The following KALRN variants were observed in gnomAD, a reference collection of about 807,000 sequenced individuals.
KALRN encodes kalirin.
A neutral mutation model predicts 353.7 loss-of-function variants in KALRN; 70 were observed. The observed-to-expected ratio is 0.20, with a 90% CI of 0.16 to 0.24. KALRN has a LOEUF of 0.24. KALRN is among the 10% of genes least tolerant of loss of function. The probability of loss-of-function intolerance (pLI) is 1.00; values close to 1 mark genes in which losing one functional copy is unlikely to be tolerated. For missense variants in KALRN, 2,791 were observed against 3,756.7 expected, an observed-to-expected ratio of 0.74 and a Z score of 6.72; for synonymous variants, 1,391 against 1,434.8, an observed-to-expected ratio of 0.97 and a Z score of 0.69.
intron 33 of KALRN, among the ~76,000 whole-genome samples, chr3:124,554,137 C>G (rs998884843): frequency 8.5e-5 from 13 of 152,220 alleles, no homozygotes; most frequent in Non-Finnish European, 1.8e-4. Flanking sequence ...GGGAGGATCA[C>G]TTCAGCCCAG....
At chr3:124,110,946 A>G (rs886836158) in intron 1 of KALRN, among the ~76,000 whole-genome samples, 2 of 152,182 alleles carry the variant, frequency 1.3e-5, no homozygotes, top group African/African-American at 2.4e-5. Context: ...ACTAAACTAA[A>G]TACTATTGTT....
chr3:124,094,098 T>A (rs2061283491), intron 1 of KALRN: 1 of 152,674 alleles, frequency 6.5e-6, no homozygotes, highest in Admixed American at 6.5e-5. Context: ...CTCTCTGGTT[T>A]ACAGAGGAGG....
intron 10 of KALRN, among the ~76,000 whole-genome samples, chr3:124,368,261 C>G (rs1429480377): frequency 6.8e-6 from 1 of 146,470 alleles, no homozygotes; most frequent in East Asian, 2.1e-4. Flanking sequence ...ACCTCCCTCC[C>G]GGACGGGGCG....
intron 1 of KALRN, among the ~76,000 whole-genome samples, chr3:124,218,029 G>A (rs1424792486): frequency 6.6e-6 from 1 of 152,232 alleles, no homozygotes; most frequent in East Asian, 1.9e-4. Flanking sequence ...AGGCTTGGGT[G>A]AGAGGGTCTG....
At chr3:124,458,088 C>A (rs1395781409) in intron 23 of KALRN, among the ~76,000 whole-genome samples, 3 of 151,982 alleles carry the variant, frequency 2.0e-5, no homozygotes, top group Non-Finnish European at 4.4e-5. Flanking sequence ...CCGGCCTGGC[C>A]AACATGGTGA....
At chr3:124,237,551 T>C (rs80236762) in intron 3 of KALRN, among the ~76,000 whole-genome samples, 14,021 of 151,996 alleles carry the variant, frequency 0.092, 1,817 homozygotes, top group East Asian at 0.64. Context: ...TTATTAGAGA[T>C]GGGGTTTCAC....
intron 13 of KALRN, among the ~76,000 whole-genome samples, chr3:124,411,869 G>A (rs2092190937): frequency 6.6e-6 from 1 of 152,074 alleles, no homozygotes; most frequent in African/African-American, 2.4e-5. Flanking sequence ...CCAACCCAGT[G>A]GCTCCCAGAT....
At chr3:124,644,650 A>G (rs2082483947) in intron 37 of KALRN, among the ~76,000 whole-genome samples, 1 of 152,246 alleles carries the variant, frequency 6.6e-6, no homozygotes, top group African/African-American at 2.4e-5. Context: ...CGCAAAGGAC[A>G]TGAACTCATC....
At chr3:124,089,681 C>A (rs1360954494) in intron 1 of KALRN, among the ~76,000 whole-genome samples, 1 of 151,156 alleles carries the variant, frequency 6.6e-6, no homozygotes, top group Non-Finnish European at 1.5e-5. Context: ...AATGTAGGTG[C>A]CTTGGGGAAG....
intron 57 of KALRN, among the ~76,000 whole-genome samples, chr3:124,708,266 T>TA (rs1422993511): frequency 5.9e-5 from 9 of 152,244 alleles, no homozygotes; most frequent in African/African-American, 1.9e-4. Context: ...AGAAAAAACT[T>TA]AAAAAATTCT....
At chr3:124,282,611 A>T (rs1347568034) in intron 5 of KALRN, among the ~76,000 whole-genome samples, 1 of 152,168 alleles carries the variant, frequency 6.6e-6, no homozygotes, top group Non-Finnish European at 1.5e-5. Context: ...TACCAACCTC[A>T]GGTGATCCAC....
At chr3:124,379,954 G>A (rs2087111264) in intron 10 of KALRN, among the ~76,000 whole-genome samples, 1 of 151,566 alleles carries the variant, frequency 6.6e-6, no homozygotes, top group East Asian at 1.9e-4. Flanking sequence ...ATCTCATTAC[G>A]TATTGGTTTC....
chr3:124,234,746 C>T, intron 2 of KALRN, 83 bp from the exon 3 acceptor site: 1 of 1,023,532 alleles, frequency 9.8e-7, no homozygotes, highest in Non-Finnish European at 1.5e-6. Context: ...GATCACCCAG[C>T]ACTCAGACAG....
intron 1 of KALRN, chr3:124,094,695 G>C: frequency 1.4e-6 from 1 of 706,678 alleles, no homozygotes; most frequent in East Asian, 2.7e-5. Context: ...GGGAGGACTG[G>C]TGGCTGTCTT....
chr3:124,216,547 G>T (rs973069753), intron 1 of KALRN, among the ~76,000 whole-genome samples: 1 of 152,190 alleles, frequency 6.6e-6, no homozygotes, highest in Non-Finnish European at 1.5e-5. Context: ...TTTTGAGGCA[G>T]GGTTTATAGG....
intron 16 of KALRN, among the ~76,000 whole-genome samples, chr3:124,431,475 A>G (rs2093275389): frequency 1.3e-5 from 2 of 152,220 alleles, no homozygotes; most frequent in African/African-American, 4.8e-5. Flanking sequence ...TTTAACTAGG[A>G]CATTGTCCTT....
chr3:124,427,329 C>G (rs1381008819), intron 15 of KALRN, among the ~76,000 whole-genome samples: 3 of 152,200 alleles, frequency 2.0e-5, no homozygotes, highest in Non-Finnish European at 4.4e-5. Context: ...ATGACAGGCT[C>G]CCTGCTACCA....
chr3:124,610,864 A>AAGAAT (rs1157416421), intron 34 of KALRN, among the ~76,000 whole-genome samples: 2 of 151,956 alleles, frequency 1.3e-5, no homozygotes, highest in Non-Finnish European at 2.9e-5. Context: ...AAGAAAAGAA[A>AAGAAT]AGAAGAAAAG....
At chr3:124,108,714 G>A (rs1053256309) in intron 1 of KALRN, among the ~76,000 whole-genome samples, 15 of 152,166 alleles carry the variant, frequency 9.9e-5, no homozygotes, top group Non-Finnish European at 5.9e-5. Context: ...GCTCTCTACT[G>A]AACCAAGTTG....
Sources: allele counts gnomAD v4.1 joint callset (sites outside exome capture counted in the v4.1 genomes callset), GRCh38; gene constraint gnomAD v4.1.1; transcripts MANE v1.5; gene names NCBI Gene and HGNC (gene_info 2026-07-23, HGNC 2026-07-21).